The following CRPPA variants were observed in gnomAD, a reference collection of about 807,000 sequenced individuals.
The protein encoded by CRPPA is D-ribitol-5-phosphate cytidylyltransferase.
A neutral mutation model predicts 52.0 loss-of-function variants in CRPPA; 43 were observed. That is an observed-to-expected ratio of 0.83 (90% confidence interval 0.65 to 1.07). CRPPA has a LOEUF of 1.07. Among genes scored for constraint, CRPPA ranks in the 50% least tolerant of loss-of-function variants. The pLI is 0.00. For missense variants in CRPPA, 629 were observed against 551.7 expected, an observed-to-expected ratio of 1.14 and a Z score of -1.40; for synonymous variants, 250 against 203.5, an observed-to-expected ratio of 1.23 and a Z score of -1.94.
At chr7:16,405,102 G>A (rs1220389661) in intron 2 of CRPPA, among the ~76,000 whole-genome samples, 6 of 150,588 alleles carry the variant, frequency 4.0e-5, no homozygotes, top group African/African-American at 1.5e-4. Context: ...GGTTTTAAAG[G>A]GGAAAAAAAA....
At chr7:16,102,638 G>A (rs942783403) in intron 9 of CRPPA, among the ~76,000 whole-genome samples, 12 of 152,188 alleles carry the variant, frequency 7.9e-5, no homozygotes, top group African/African-American at 2.7e-4. Context: ...GCATTAAAAC[G>A]TGGGCAAAGG....
intron 5 of CRPPA, among the ~76,000 whole-genome samples, chr7:16,280,973 TC>T (rs1375399208): frequency 6.6e-6 from 1 of 152,068 alleles, no homozygotes; most frequent in East Asian, 1.9e-4. Context: ...TGAGCCAAGA[TC>T]ACGCCACTAC....
chr7:16,413,411 T>C (rs973797179), intron 1 of CRPPA, among the ~76,000 whole-genome samples: 2 of 152,204 alleles, frequency 1.3e-5, no homozygotes, highest in African/African-American at 4.8e-5. Context: ...CTTGACCCTT[T>C]TATTAAGGAA....
At chr7:16,260,762 G>T (rs1186796065) in intron 6 of CRPPA, among the ~76,000 whole-genome samples, 1 of 151,940 alleles carries the variant, frequency 6.6e-6, no homozygotes, top group East Asian at 1.9e-4. Flanking sequence ...CCTTCTGCAT[G>T]TAGAGAATGA....
chr7:16,255,623 C>T (rs955115880), intron 8 of CRPPA, among the ~76,000 whole-genome samples: 21 of 152,202 alleles, frequency 1.4e-4, no homozygotes, highest in African/African-American at 3.1e-4. Flanking sequence ...GAACAGAGAC[C>T]TCAGAAATAA....
chr7:16,261,917 G>C (rs1783818807), intron 6 of CRPPA: 2 of 152,040 alleles, frequency 1.3e-5, no homozygotes, highest in Middle Eastern at 3.4e-3. Context: ...TTGGCTCGTG[G>C]TGATAGTCTT....
chr7:16,149,606 G>C (rs904416041), intron 9 of CRPPA, among the ~76,000 whole-genome samples: 26 of 152,152 alleles, frequency 1.7e-4, no homozygotes, highest in Admixed American at 6.5e-5. Flanking sequence ...ATATTATGTA[G>C]CATGCCTCTA....
At chr7:16,343,644 T>C (rs1184679913) in intron 3 of CRPPA, among the ~76,000 whole-genome samples, 2 of 131,460 alleles carry the variant, frequency 1.5e-5, no homozygotes, top group African/African-American at 2.9e-5. Flanking sequence ...GTGATCACAG[T>C]TGAGGCGCAC....
At chr7:16,329,826 T>C (rs1287476834) in intron 3 of CRPPA, among the ~76,000 whole-genome samples, 2 of 152,020 alleles carry the variant, frequency 1.3e-5, no homozygotes, top group Non-Finnish European at 2.9e-5. Flanking sequence ...ACAAAAGACA[T>C]AAAAAGGAAA....
intron 9 of CRPPA, among the ~76,000 whole-genome samples, chr7:16,142,020 C>G (rs1782883076): frequency 6.6e-6 from 1 of 151,840 alleles, no homozygotes; most frequent in Non-Finnish European, 1.5e-5. Context: ...AGAAAACCAC[C>G]AAGAAATTAT....
chr7:16,386,461 G>A (rs1225734380), intron 2 of CRPPA, among the ~76,000 whole-genome samples: 2 of 152,156 alleles, frequency 1.3e-5, no homozygotes, highest in Admixed American at 6.5e-5. Flanking sequence ...GCTTGAGGAT[G>A]GGGCCTTTGC....
At chr7:16,408,705 T>A (rs779901159) in intron 1 of CRPPA, among the ~76,000 whole-genome samples, 5 of 152,198 alleles carry the variant, frequency 3.3e-5, no homozygotes, top group Non-Finnish European at 7.3e-5. Context: ...TTACCTTAAA[T>A]GGCAAACAGG....
At chr7:16,295,614 A>G (rs144132401) in intron 5 of CRPPA, among the ~76,000 whole-genome samples, 23 of 152,128 alleles carry the variant, frequency 1.5e-4, no homozygotes, top group African/African-American at 5.1e-4. Context: ...TAGTTTATTT[A>G]GAAATTCCAC....
intron 9 of CRPPA, among the ~76,000 whole-genome samples, chr7:16,168,784 A>G (rs1202401310): frequency 6.6e-6 from 1 of 152,178 alleles, no homozygotes; most frequent in Admixed American, 6.5e-5. Context: ...ACAAATACAC[A>G]TGCTAAAAGA....
At chr7:16,128,670 A>G (rs1156592040) in intron 9 of CRPPA, among the ~76,000 whole-genome samples, 2 of 152,190 alleles carry the variant, frequency 1.3e-5, no homozygotes, top group Admixed American at 1.3e-4. Flanking sequence ...TAAAAGAATC[A>G]TCCATACCAT....
chr7:16,150,055 T>G (rs1316872457), intron 9 of CRPPA, among the ~76,000 whole-genome samples: 2 of 152,056 alleles, frequency 1.3e-5, no homozygotes, highest in African/African-American at 2.4e-5. Flanking sequence ...CTTATTTTTT[T>G]AACCTCATTG....
chr7:16,158,559 TG>T (rs1783235984), intron 9 of CRPPA, among the ~76,000 whole-genome samples: 1 of 152,194 alleles, frequency 6.6e-6, no homozygotes, highest in African/African-American at 2.4e-5. Context: ...CCTTAAGAGA[TG>T]TTTTTTATAT....
At chr7:16,271,378 T>G (rs1195194662) in intron 6 of CRPPA, among the ~76,000 whole-genome samples, 1 of 152,188 alleles carries the variant, frequency 6.6e-6, no homozygotes, top group Non-Finnish European at 1.5e-5. Flanking sequence ...AAAGGTAAAC[T>G]GGATCATGTC....
chr7:16,105,264 A>T (rs1179545373), intron 9 of CRPPA, among the ~76,000 whole-genome samples: 1 of 152,176 alleles, frequency 6.6e-6, no homozygotes, highest in African/African-American at 2.4e-5. Flanking sequence ...CTGAGACACC[A>T]ATGTGGTCCA....
Sources: allele counts gnomAD v4.1 joint callset (sites outside exome capture counted in the v4.1 genomes callset), GRCh38; gene constraint gnomAD v4.1.1; transcripts MANE v1.5; gene names NCBI Gene and HGNC (gene_info 2026-07-23, HGNC 2026-07-21).